The following ACOT11 variants were observed in gnomAD, a reference collection of about 807,000 sequenced individuals.
ACOT11 encodes acyl-coenzyme A thioesterase 11.
ACOT11 carries 69 observed loss-of-function variants against 77.5 expected under a neutral mutation model. That is an observed-to-expected ratio of 0.89 (90% CI 0.73 to 1.09). The LOEUF is 1.09. Among genes scored for constraint, ACOT11 ranks in the 50% least tolerant of loss-of-function variants. The pLI is 0.00. For missense variants in ACOT11, 766 were observed against 813.7 expected (o/e 0.94, Z 0.71); for synonymous variants, 279 against 313.0 (o/e 0.89, Z 1.15).
intron 1 of ACOT11, among the ~76,000 whole-genome samples, chr1:54,557,801 G>A (rs1343252227): frequency 6.6e-6 from 1 of 152,034 alleles, no homozygotes; most frequent in South Asian, 2.1e-4. Flanking sequence ...TCTATATATA[G>A]GATTATGACA....
intron 10 of ACOT11, among the ~76,000 whole-genome samples, chr1:54,603,144 C>T (rs111416959): frequency 0.017 from 2,548 of 152,326 alleles, 83 homozygotes; most frequent in African/African-American, 0.057. Context: ...TGAGACTAGC[C>T]TGGCCAACAT....
chr1:54,549,771 C>T (rs940368105), intron 1 of ACOT11, among the ~76,000 whole-genome samples: 4 of 152,296 alleles, frequency 2.6e-5, no homozygotes, highest in African/African-American at 2.4e-5. Flanking sequence ...TTTTCAGCAG[C>T]GAGGCTAAGG....
intron 1 of ACOT11, among the ~76,000 whole-genome samples, chr1:54,569,443 C>T (rs1653860384): frequency 6.6e-6 from 1 of 152,204 alleles, no homozygotes; most frequent in South Asian, 2.1e-4. Context: ...GCCTGGCCCC[C>T]TCACTGTCCC....
At chr1:54,575,289 T>G (rs1165560533) in intron 1 of ACOT11, among the ~76,000 whole-genome samples, 1 of 152,166 alleles carries the variant, frequency 6.6e-6, no homozygotes, top group African/African-American at 2.4e-5. Context: ...TGGGAAAGCA[T>G]TCAGGAAATG....
In ACOT11 at chr1:54,609,209, C is replaced by T; in HGVS notation, c.*97C>T. ...AGAAAGCCAAAGACCTTTATTTCTTCCTGCCTCCCCGTGGGAAGCCTCCGC... is the reference window on the plus strand; with the variant it reads ...AGAAAGCCAAAGACCTTTATTTCTTTCTGCCTCCCCGTGGGAAGCCTCCGC... On this transcript the variant is annotated 3_prime_UTR_variant, in exon 16 of 16. Transcript: ENST00000343744. 1.9e-6 allele frequency: 3 copies of T among 1,590,744 alleles called. No individual in the cohort carries two copies. Among genetic ancestry groups the T allele is most frequent in the African/African-American group, 2.7e-5 (2 of 74,522 alleles).
chr1:54,610,115 G>T lies in ACOT11; in HGVS notation c.*1003G>T. On this transcript the variant is annotated 3_prime_UTR_variant, in exon 16 of 16. Transcript: ENST00000343744. ...GATGGGTTGCTTTATAAATGTGCCT[G>T]GTGCATGAGAAACTCTTGTTTCAGC... 1 of 1,433,942 alleles carries T rather than the reference G, an allele frequency of 7.0e-7. No homozygotes were observed. The highest frequency in any genetic ancestry group is 1.5e-5 in the South Asian group (1 of 66,062). The allele number at this position is 1,433,942 out of a possible 1,614,324, so 88.8% of individuals were successfully genotyped here. A position where few individuals can be genotyped will look rare whatever the true frequency, so the allele number is the denominator to read the frequency against.
chr1:54,569,843 T>G, intron 1 of ACOT11, among the ~76,000 whole-genome samples: 1 of 152,232 alleles, frequency 6.6e-6, no homozygotes, highest in East Asian at 1.9e-4. Context: ...TGCTTGGTTT[T>G]AAGTTTATGT....
intron 1 of ACOT11, among the ~76,000 whole-genome samples, chr1:54,564,819 G>T (rs1297867918): frequency 1.3e-5 from 2 of 152,136 alleles, no homozygotes; most frequent in African/African-American, 4.8e-5. Context: ...GCGGTGGGGG[G>T]TGATAATGGT....
At chr1:54,635,348 G>A (rs555006939) in exon 17 of ACOT11, 9 of 268,450 alleles carry the variant, frequency 3.4e-5, no homozygotes, top group Middle Eastern at 1.3e-3. Context: ...TGTTAAGTAC[G>A]GCAAAAGTTC....
chr1:54,548,292 C>T lies in ACOT11; in HGVS notation c.-18C>T, dbSNP rs755041829. ...TGTGTCTCTGGGAGGGCGCTGCTTT[C>T]CCCGGCCACCCGGCGCGATGATCCA... is the stretch of plus-strand genomic sequence containing the variant. On this transcript the variant is annotated 5_prime_UTR_variant, in exon 1 of 16. Coordinates refer to ENST00000343744, the MANE Select transcript of ACOT11 (RefSeq NM_147161.4). The T allele has an allele frequency of 1.9e-6, 3 of 1,590,246 alleles. No homozygotes were observed. Among genetic ancestry groups the T allele is most frequent in the Admixed American group, 1.8e-5 (1 of 56,580 alleles).
intron 1 of ACOT11, among the ~76,000 whole-genome samples, chr1:54,559,129 C>G (rs1653378656): frequency 6.6e-6 from 1 of 152,240 alleles, no homozygotes; most frequent in East Asian, 1.9e-4. Context: ...GAGCTCTCAT[C>G]TGCTAGACTG....
chr1:54,634,866 G>A (rs564772832), exon 17 of ACOT11: 26 of 556,014 alleles, frequency 4.7e-5, no homozygotes, highest in South Asian at 3.0e-4. Context: ...CAGCCACCCC[G>A]CTAAGAACAG....
chr1:54,565,757 A>G (rs1431874086), intron 1 of ACOT11, among the ~76,000 whole-genome samples: 1 of 152,180 alleles, frequency 6.6e-6, no homozygotes, highest in Non-Finnish European at 1.5e-5. Context: ...TTGTCTCAGT[A>G]GGATCCCTCC....
intron 1 of ACOT11, among the ~76,000 whole-genome samples, chr1:54,556,548 C>A (rs1465820679): frequency 6.6e-6 from 1 of 151,834 alleles, no homozygotes; most frequent in Non-Finnish European, 1.5e-5. Flanking sequence ...ATATCTTCTT[C>A]AATTTCTTTC....
chr1:54,617,890 C>T (rs1644190587), intron 15 of ACOT11, among the ~76,000 whole-genome samples: 1 of 151,538 alleles, frequency 6.6e-6, no homozygotes, highest in Non-Finnish European at 1.5e-5. Flanking sequence ...CCATGCACGG[C>T]TAATTTTTGT....
intron 7 of ACOT11, chr1:54,598,573 T>A (rs1643915467): frequency 6.6e-6 from 1 of 152,282 alleles, no homozygotes; most frequent in Non-Finnish European, 1.5e-5. Flanking sequence ...CAAGCTGGCC[T>A]AGCATGGTGG....
At chr1:54,554,931 C>T (rs951746293) in intron 1 of ACOT11, among the ~76,000 whole-genome samples, 4 of 152,030 alleles carry the variant, frequency 2.6e-5, no homozygotes, top group Admixed American at 6.6e-5. Flanking sequence ...CAAATCCTTG[C>T]CAACACATAT....
intron 3 of ACOT11, among the ~76,000 whole-genome samples, chr1:54,591,566 T>G (rs1190621918): frequency 6.6e-6 from 1 of 152,152 alleles, no homozygotes; most frequent in Non-Finnish European, 1.5e-5. Context: ...CCCAGAGAAG[T>G]GAAAGGACCT....
chr1:54,592,727 GAGTT>G, intron 4 of ACOT11, 121 bp downstream of exon 4: 1 of 995,834 alleles, frequency 1.0e-6, no homozygotes, highest in Non-Finnish European at 1.5e-6. Context: ...TAGAGCAGCA[GAGTT>G]CTGTAATGGT....
Sources: allele counts gnomAD v4.1 joint callset (sites outside exome capture counted in the v4.1 genomes callset), GRCh38; gene constraint gnomAD v4.1.1; transcripts MANE v1.5; gene names NCBI Gene and HGNC (gene_info 2026-07-23, HGNC 2026-07-21).